CALN1: variants seen among roughly 807,000 people sequenced by gnomAD.
CALN1 encodes the protein calcium-binding protein 8.
CALN1 carries 17 observed loss-of-function variants against 30.6 expected under a neutral mutation model. That is an observed-to-expected ratio of 0.56 (90% CI 0.38 to 0.83). The LOEUF is 0.83. CALN1 is among the 40% of genes least tolerant of loss of function. CALN1 has a pLI of 0.00. For missense variants in CALN1, 291 were observed against 354.9 expected (o/e 0.82, Z 1.45); for synonymous variants, 156 against 131.4 (o/e 1.19, Z -1.28).
At chr7:72,335,513 T>C (rs950324921) in intron 2 of CALN1, among the ~76,000 whole-genome samples, 7 of 152,180 alleles carry the variant, frequency 4.6e-5, no homozygotes, top group African/African-American at 1.7e-4. Flanking sequence ...GTAGTTATTA[T>C]CACCACTAAA....
chr7:72,340,556 C>T (rs772062403), intron 2 of CALN1, among the ~76,000 whole-genome samples: 1 of 152,224 alleles, frequency 6.6e-6, no homozygotes, highest in Non-Finnish European at 1.5e-5. Context: ...CCTGCAAATA[C>T]ATGCCTTCCC....
At chr7:72,186,475 T>C (rs1790195657) in intron 3 of CALN1, among the ~76,000 whole-genome samples, 1 of 152,162 alleles carries the variant, frequency 6.6e-6, no homozygotes, top group Non-Finnish European at 1.5e-5. Flanking sequence ...GTTTGTTACC[T>C]GACGACATCG....
At chr7:72,487,664 C>G in the CALN1 span, among the ~76,000 whole-genome samples, 64 of 132,336 alleles carry the variant, frequency 4.8e-4, no homozygotes, top group African/African-American at 1.9e-3. Flanking sequence ...CCAGCCTGGG[C>G]AGCAGAGTGA....
intron 1 of CALN1, among the ~76,000 whole-genome samples, chr7:72,422,860 G>C (rs1334653322): frequency 6.6e-6 from 1 of 151,942 alleles, no homozygotes; most frequent in South Asian, 2.1e-4. Context: ...TGAGCGCATC[G>C]GCTCACGCCT....
chr7:72,407,766 T>C (rs878895430), intron 1 of CALN1, among the ~76,000 whole-genome samples: 2 of 152,156 alleles, frequency 1.3e-5, no homozygotes, highest in East Asian at 1.9e-4. Context: ...GCACTAATAC[T>C]GACTGAGCTT....
the CALN1 span, among the ~76,000 whole-genome samples, chr7:72,476,978 A>C: frequency 6.6e-6 from 1 of 152,242 alleles, no homozygotes; most frequent in African/African-American, 2.4e-5. Context: ...TGGGAGGCCA[A>C]GGCAGGTGGA....
chr7:72,293,341 G>A (rs1018896972), intron 2 of CALN1, among the ~76,000 whole-genome samples: 2 of 152,058 alleles, frequency 1.3e-5, no homozygotes, highest in Non-Finnish European at 2.9e-5. Flanking sequence ...TGCCCAATAG[G>A]AACTAAAAGG....
chr7:72,255,107 A>C, intron 3 of CALN1, among the ~76,000 whole-genome samples: 1 of 121,258 alleles, frequency 8.2e-6, no homozygotes. Context: ...TTCTTTTGAG[A>C]CGGAATCTCT....
At chr7:72,385,825 A>ACCTT (rs1236102752) in intron 2 of CALN1, among the ~76,000 whole-genome samples, 1 of 152,024 alleles carries the variant, frequency 6.6e-6, no homozygotes, top group Non-Finnish European at 1.5e-5. Flanking sequence ...CTTCCCCTTC[A>ACCTT]CCTTCCACCA....
chr7:72,062,417 C>G lies in CALN1; in HGVS notation c.389-38648G>C, dbSNP rs550200996. Reference sequence around the variant, plus strand: ...GTCCCAGCTACTTGGGAGGCTGAGGCAGGAGAATCTCTTGAACCAGGGAAG... The same window carrying G: ...GTCCCAGCTACTTGGGAGGCTGAGGGAGGAGAATCTCTTGAACCAGGGAAG... On this transcript the variant is annotated intron_variant, in intron 4 of 6. Coordinates refer to ENST00000395275, the MANE Select transcript of CALN1 (RefSeq NM_031468.4). Among the ~76,000 whole-genome samples the G allele has an allele frequency of 5.3e-4, 78 of 147,100 alleles. 1 individual carries two copies. The Admixed American group carries it at 5.4e-3, about 10-fold the overall frequency.
intron 5 of CALN1, among the ~76,000 whole-genome samples, chr7:71,854,573 T>G (rs1790836231): frequency 6.6e-6 from 1 of 152,228 alleles, no homozygotes; most frequent in Non-Finnish European, 1.5e-5. Context: ...TTCTTTTTCC[T>G]ACTGCAAATA....
intron 5 of CALN1, among the ~76,000 whole-genome samples, chr7:71,903,309 G>A (rs893588229): frequency 6.6e-6 from 1 of 151,984 alleles, no homozygotes; most frequent in Non-Finnish European, 1.5e-5. Context: ...AAAATACTAT[G>A]AAGCTATAGT....
chr7:72,190,797 C>T (rs1342587554), intron 3 of CALN1, among the ~76,000 whole-genome samples: 1 of 152,134 alleles, frequency 6.6e-6, no homozygotes, highest in Non-Finnish European at 1.5e-5. Flanking sequence ...TCAGTCCCAA[C>T]TTGCTCTGCC....
In CALN1 at chr7:71,795,814, CTTTTTTTT is replaced by C. The variant is rs55667543; in HGVS notation, c.659-7920_659-7913del. The stretch of plus-strand genomic sequence containing the variant: ...ATGTAGCATTTACCAGTACTTCATT[CTTTTTTTT>C]TTTTTTTTTTTTTTGAGACAGAGTC... On this transcript the variant is annotated intron_variant, in intron 6 of 6. Transcript: ENST00000395275. Among the ~76,000 whole-genome samples the C allele has an allele frequency of 3.0e-3, 299 of 98,552 alleles. 2 individuals carry two copies. The highest frequency in any genetic ancestry group is 0.013 in the African/African-American group (285 of 22,296). 64.7% of individuals were successfully genotyped at this position (98,552 alleles called of 152,430 possible). A position where few individuals can be genotyped will look rare whatever the true frequency, so the allele number is the denominator to read the frequency against.
intron 5 of CALN1, among the ~76,000 whole-genome samples, chr7:71,861,109 T>C (rs1042849676): frequency 1.3e-5 from 2 of 152,114 alleles, no homozygotes; most frequent in Admixed American, 1.3e-4. Flanking sequence ...CATGGAGACA[T>C]GCATGCTTAA....
intron 5 of CALN1, among the ~76,000 whole-genome samples, chr7:71,970,959 G>T (rs146685846): frequency 6.6e-6 from 1 of 152,164 alleles, no homozygotes. Flanking sequence ...AGGTTCACTC[G>T]GCATTCCCAG....
At chr7:72,220,491 T>C (rs978505800) in intron 3 of CALN1, among the ~76,000 whole-genome samples, 122 of 151,880 alleles carry the variant, frequency 8.0e-4, no homozygotes, top group Non-Finnish European at 1.5e-3. Context: ...TGAATAGTGC[T>C]GCAATAAACA....
At chr7:72,118,795 G>A (rs897718695) in intron 3 of CALN1, among the ~76,000 whole-genome samples, 1 of 152,162 alleles carries the variant, frequency 6.6e-6, no homozygotes, top group African/African-American at 2.4e-5. Context: ...CAAGTCAGAA[G>A]GAAGGGATCT....
intron 1 of CALN1, among the ~76,000 whole-genome samples, chr7:72,445,472 G>T (rs1235211497): frequency 6.6e-6 from 1 of 152,082 alleles, no homozygotes; most frequent in African/African-American, 2.4e-5. Context: ...CCTCCCCAAA[G>T]CCTCCTCCCT....
Sources: allele counts gnomAD v4.1 joint callset (sites outside exome capture counted in the v4.1 genomes callset), GRCh38; gene constraint gnomAD v4.1.1; transcripts MANE v1.5; gene names NCBI Gene and HGNC (gene_info 2026-07-23, HGNC 2026-07-21).